DDX10: variants seen among roughly 807,000 people sequenced by gnomAD.
The protein encoded by DDX10 is probable ATP-dependent RNA helicase DDX10.
A neutral mutation model predicts 104.3 loss-of-function variants in DDX10; 74 were observed. That is an observed-to-expected ratio of 0.71 (90% CI 0.59 to 0.86). The LOEUF (loss-of-function observed/expected upper bound fraction) is 0.86, where lower values mean the gene tolerates loss of function less well. DDX10 is among the 40% of genes least tolerant of loss of function. The pLI, the probability that DDX10 is intolerant of heterozygous loss-of-function variation, is 0.00. For synonymous variants in DDX10, 351 were observed against 353.4 expected, an observed-to-expected ratio of 0.99 and a Z score of 0.08; for missense variants, 952 against 1,040.0, an observed-to-expected ratio of 0.92 and a Z score of 1.16.
chr11:108,834,425 G>T (rs1290650246), intron 13 of DDX10, among the ~76,000 whole-genome samples: 4 of 151,970 alleles, frequency 2.6e-5, no homozygotes, highest in Non-Finnish European at 5.9e-5. Flanking sequence ...TTTTGAGACA[G>T]AAATTTATAT....
At chr11:108,814,739 A>G (rs941600884) in intron 13 of DDX10, among the ~76,000 whole-genome samples, 4 of 152,210 alleles carry the variant, frequency 2.6e-5, no homozygotes, top group African/African-American at 9.6e-5. Flanking sequence ...TAAGTTAATG[A>G]TCATTAGGGG....
chr11:108,913,545 A>G (rs1863707763), intron 16 of DDX10, among the ~76,000 whole-genome samples: 1 of 152,138 alleles, frequency 6.6e-6, no homozygotes, highest in Non-Finnish European at 1.5e-5. Context: ...GCAAATTGCG[A>G]GGGAGGTATG....
chr11:108,894,840 A>G (rs899297287), intron 16 of DDX10, among the ~76,000 whole-genome samples: 1 of 151,938 alleles, frequency 6.6e-6, no homozygotes, highest in African/African-American at 2.4e-5. Context: ...ACTCATTCTC[A>G]TTTTTGAAGA....
At chr11:108,759,727 C>T (rs1312157707) in intron 13 of DDX10, among the ~76,000 whole-genome samples, 1 of 151,702 alleles carries the variant, frequency 6.6e-6, no homozygotes, top group African/African-American at 2.4e-5. Context: ...CTTTTTTTTC[C>T]ATGGATAATA....
chr11:108,932,841 T>C (rs1366914539), intron 17 of DDX10, among the ~76,000 whole-genome samples: 1 of 152,122 alleles, frequency 6.6e-6, no homozygotes, highest in Middle Eastern at 3.4e-3. Flanking sequence ...AGTGCTGTAT[T>C]CGCTTATTAT....
chr11:108,925,804 C>T (rs1347573026), intron 17 of DDX10, among the ~76,000 whole-genome samples: 1 of 152,018 alleles, frequency 6.6e-6, no homozygotes, highest in South Asian at 2.1e-4. Context: ...AGATCGTACC[C>T]ATGCTTAGGT....
At chr11:108,857,796 G>T (rs1862890785) in intron 16 of DDX10, among the ~76,000 whole-genome samples, 2 of 152,206 alleles carry the variant, frequency 1.3e-5, no homozygotes, top group African/African-American at 2.4e-5. Context: ...TTAGGCCATA[G>T]GTCATTTCCG....
At chr11:108,921,666 G>C (rs1252666956) in intron 17 of DDX10, 2 of 152,216 alleles carry the variant, frequency 1.3e-5, no homozygotes, top group African/African-American at 4.8e-5. Context: ...TTGGAAAGTA[G>C]CTATTAGTCC....
At chr11:108,900,649 T>A (rs1196298394) in intron 16 of DDX10, among the ~76,000 whole-genome samples, 2 of 152,218 alleles carry the variant, frequency 1.3e-5, no homozygotes, top group Non-Finnish European at 2.9e-5. Context: ...ACAACCGGAA[T>A]GGTGGACCCA....
chr11:108,748,983 T>C (rs577963279), intron 13 of DDX10, among the ~76,000 whole-genome samples: 1 of 152,186 alleles, frequency 6.6e-6, no homozygotes, highest in East Asian at 1.9e-4. Flanking sequence ...TTTTAAATAC[T>C]GGGGCAGTAG....
At chr11:108,785,402 A>G (rs1213417503) in intron 13 of DDX10, among the ~76,000 whole-genome samples, 5 of 146,150 alleles carry the variant, frequency 3.4e-5, no homozygotes, top group South Asian at 2.1e-4. Flanking sequence ...TGTTGTTGTT[A>G]TTGTTGTTGT....
At chr11:108,875,573 T>C (rs951172866) in intron 16 of DDX10, among the ~76,000 whole-genome samples, 1 of 152,138 alleles carries the variant, frequency 6.6e-6, no homozygotes, top group African/African-American at 2.4e-5. Context: ...AGTGCAAAGA[T>C]GAAGAGTAGT....
chr11:108,787,528 G>GT (rs1276444618), intron 13 of DDX10, among the ~76,000 whole-genome samples: 95 of 151,718 alleles, frequency 6.3e-4, no homozygotes, highest in African/African-American at 1.2e-3. Flanking sequence ...ACTCAGTGGT[G>GT]TTTTTTTTAA....
intron 13 of DDX10, among the ~76,000 whole-genome samples, chr11:108,773,373 C>A (rs1365655262): frequency 3.3e-5 from 5 of 152,202 alleles, no homozygotes; most frequent in Non-Finnish European, 7.3e-5. Context: ...GCTGCACTTA[C>A]TGTTGATGTC....
At chr11:108,724,067 T>G (rs1486566515) in intron 13 of DDX10, among the ~76,000 whole-genome samples, 2 of 152,122 alleles carry the variant, frequency 1.3e-5, no homozygotes, top group Non-Finnish European at 2.9e-5. Context: ...CTTTTGTAGG[T>G]GCACAGTAAA....
chr11:108,751,942 C>T (rs535727537), intron 13 of DDX10, among the ~76,000 whole-genome samples: 16 of 152,046 alleles, frequency 1.1e-4, no homozygotes, highest in South Asian at 1.0e-3. Flanking sequence ...AGTTTTGAGC[C>T]GAGATGGGAA....
intron 1 of DDX10, among the ~76,000 whole-genome samples, chr11:108,672,712 T>C (rs2094218664): frequency 6.6e-6 from 1 of 152,246 alleles, no homozygotes; most frequent in Non-Finnish European, 1.5e-5. Context: ...TTTGGCAGCA[T>C]ATTTCCAGAA....
At chr11:108,777,426 T>C (rs1451473567) in intron 13 of DDX10, among the ~76,000 whole-genome samples, 4 of 152,078 alleles carry the variant, frequency 2.6e-5, no homozygotes, top group African/African-American at 9.7e-5. Flanking sequence ...GCCTCCTGGA[T>C]TCAAGCGAAT....
rs751539923 is a variant in DDX10, at chr11:108,665,177, G to A, written c.24G>A (p.Pro8=). 2 of 1,610,918 alleles carry A rather than the reference G, an allele frequency of 1.2e-6. No homozygotes were observed. Among genetic ancestry groups the A allele is most frequent in the Non-Finnish European group, 8.5e-7 (1 of 1,178,944 alleles). MGKTANS[P]GSGARPDPVR... Reference sequence around the variant, plus strand: ...CAATGGGCAAAACGGCCAACTCTCCGGGTTCGGGAGCCCGACCCGACCCGG... The same window carrying A: ...CAATGGGCAAAACGGCCAACTCTCCAGGTTCGGGAGCCCGACCCGACCCGG... Residue 8 remains proline (P), a synonymous_variant, in exon 1 of 18, where the codon CCG becomes CCA. Transcript: ENST00000322536.
Sources: gnomAD v4.1 joint callset for allele counts (sites outside exome capture counted in the v4.1 genomes callset) on GRCh38, gnomAD v4.1.1 for gene constraint, MANE v1.5 for transcripts, NCBI Gene and HGNC (gene_info 2026-07-23, HGNC 2026-07-21) for gene names.